The following LAMA3 variants were observed in gnomAD, a reference collection of about 807,000 sequenced individuals.
LAMA3 encodes laminin subunit alpha 3.
Under a neutral mutation model 402.0 loss-of-function variants are expected in LAMA3, and 281 were observed. That is an observed-to-expected ratio of 0.70 (90% CI 0.63 to 0.77). The LOEUF is 0.77. Among genes scored for constraint, LAMA3 ranks in the 30% least tolerant of loss-of-function variants. The pLI is 0.00. For missense variants in LAMA3, 3,840 were observed against 4,215.5 expected (o/e 0.91, Z 2.47); for synonymous variants, 1,431 against 1,558.4 (o/e 0.92, Z 1.93).
At chr18:23,806,019 A>G (rs2062955483) in intron 12 of LAMA3, among the ~76,000 whole-genome samples, 2 of 152,174 alleles carry the variant, frequency 1.3e-5, no homozygotes, top group East Asian at 3.8e-4. Context: ...CACTTCTACA[A>G]AGCAAGTCAG....
intron 7 of LAMA3, among the ~76,000 whole-genome samples, chr18:23,762,197 A>G (rs926853921): frequency 4.6e-5 from 7 of 152,064 alleles, no homozygotes; most frequent in African/African-American, 1.7e-4. Flanking sequence ...TCTGGGTGAC[A>G]GTGAGATCCT....
chr18:23,744,114 G>T (rs1406407195), intron 2 of LAMA3, among the ~76,000 whole-genome samples: 4 of 152,128 alleles, frequency 2.6e-5, no homozygotes, highest in Admixed American at 1.3e-4. Context: ...GCCTGAACCT[G>T]GCTGTGAACA....
intron 64 of LAMA3, among the ~76,000 whole-genome samples, chr18:23,930,531 T>C (rs2082131602): frequency 6.6e-6 from 1 of 152,134 alleles, no homozygotes; most frequent in Non-Finnish European, 1.5e-5. Context: ...GAGTATCTCT[T>C]GAGCCCAGGG....
Position 23,907,566 on chromosome 18 carries a change from C to T in LAMA3, c.6735C>T (p.Leu2245=). The change falls in exon 53 of 75, where the codon CTC becomes CTT. Residue 2245 remains leucine, a synonymous_variant. Transcript: ENST00000313654. ...TTATTTTAGAAGTCAGTCCAGCTCTCAACAACCTACAGCAAACCCTGAATA... is the reference window on the plus strand; with the variant it reads ...TTATTTTAGAAGTCAGTCCAGCTCTTAACAACCTACAGCAAACCCTGAATA... The part of the protein sequence containing the change: ...KKLKQEVSPA[L]NNLQQTLNIV... The T allele has an allele frequency of 6.2e-7, 1 of 1,613,232 alleles. No homozygotes were observed. The highest frequency in any genetic ancestry group is 8.5e-7 in the Non-Finnish European group (1 of 1,179,192).
In LAMA3 at chr18:23,943,852, A is replaced by G. The variant is rs781078680; in HGVS notation, c.9091A>G (p.Lys3031Glu). The G allele has an allele frequency of 3.1e-6, 5 of 1,613,900 alleles. No individual in the cohort carries two copies. In the African/African-American group the frequency reaches 6.7e-5, roughly 22 times the overall value. Residue 3031 changes from lysine (K) to glutamate (E), a missense_variant, in exon 69 of 75, where the codon AAG (lysine) becomes GAG (glutamate). Transcript: ENST00000313654. ...SRGLVFHTGT[K>E]NSFMALYLSK... Reference sequence around the variant, plus strand: ...AGGACTGGTGTTTCACACGGGCACTAAGAACTCCTTTATGGCTCTTTATCT... The same window carrying G: ...AGGACTGGTGTTTCACACGGGCACTGAGAACTCCTTTATGGCTCTTTATCT...
At chr18:23,796,183 C>T in intron 12 of LAMA3, 3 of 314,798 alleles carry the variant, frequency 9.5e-6, no homozygotes, top group Non-Finnish European at 1.9e-5. Flanking sequence ...TATGGCAGCT[C>T]AAGGTGACTA....
intron 40 of LAMA3, among the ~76,000 whole-genome samples, chr18:23,883,428 A>T (rs552476639): frequency 3.9e-5 from 6 of 152,338 alleles, no homozygotes; most frequent in African/African-American, 1.2e-4. Flanking sequence ...TAAGTGAAGC[A>T]AGAGTTGTTC....
At chr18:23,789,045 T>C (rs1018268838) in intron 12 of LAMA3, among the ~76,000 whole-genome samples, 7 of 152,056 alleles carry the variant, frequency 4.6e-5, no homozygotes, top group Non-Finnish European at 8.8e-5. Flanking sequence ...GACATTATCT[T>C]CCAAGAAGAT....
chr18:23,912,488 A>T (rs1209536753), intron 55 of LAMA3, among the ~76,000 whole-genome samples: 1 of 152,158 alleles, frequency 6.6e-6, no homozygotes, highest in Non-Finnish European at 1.5e-5. Context: ...CTAATAAGAA[A>T]CACAAATGCC....
At chr18:23,706,433 T>C (rs2060890277) in intron 1 of LAMA3, among the ~76,000 whole-genome samples, 1 of 152,208 alleles carries the variant, frequency 6.6e-6, no homozygotes, top group Admixed American at 6.5e-5. Flanking sequence ...CAATTTATAC[T>C]CCTACTATGT....
intron 41 of LAMA3, 45 bp from the exon 42 acceptor site, chr18:23,889,966 G>A (rs374564304): frequency 1.3e-5 from 18 of 1,425,102 alleles, no homozygotes; most frequent in South Asian, 1.1e-4. Context: ...TGAGATAAAC[G>A]ATGAGTTATT....
intron 21 of LAMA3, among the ~76,000 whole-genome samples, chr18:23,826,404 A>G (rs1407193852): frequency 6.6e-6 from 1 of 152,236 alleles, no homozygotes; most frequent in Non-Finnish European, 1.5e-5. Flanking sequence ...ACAATTTATT[A>G]TCTTTGTTAA....
chr18:23,770,733 C>A (rs937031583), intron 8 of LAMA3, among the ~76,000 whole-genome samples: 2 of 152,128 alleles, frequency 1.3e-5, no homozygotes, highest in Non-Finnish European at 2.9e-5. Context: ...TGCACTCCAG[C>A]CTGGGCGACA....
At position 23,858,849 on chromosome 18, in the gene LAMA3, G is replaced by A. The variant is rs759956499; in HGVS notation, c.4422+20G>A. The A allele has an allele frequency of 6.2e-7, 1 of 1,612,674 alleles. No individual in the cohort carries two copies. The highest frequency in any genetic ancestry group is 1.1e-5 in the South Asian group (1 of 91,068). On this transcript the variant is annotated intron_variant, in intron 34 of 74. Transcript: ENST00000313654. ...ACTAAGGTATGCATTGACAGAAAGTGCTGGGGAACATTTTGTACATGGATT... is the reference window on the plus strand; with the variant it reads ...ACTAAGGTATGCATTGACAGAAAGTACTGGGGAACATTTTGTACATGGATT...
Position 23,842,391 on chromosome 18 carries a change from T to C in LAMA3, c.3337-4T>C, listed in dbSNP as rs575564054. Reference sequence around the variant, plus strand: ...TTTTTTTTCCTCCTCTTTTTTCCTCTTAGAATCAAGTGACCCTGAGAGGAC... The same window carrying C: ...TTTTTTTTCCTCCTCTTTTTTCCTCCTAGAATCAAGTGACCCTGAGAGGAC... On this transcript the variant is annotated splice_polypyrimidine_tract_variant and splice_region_variant and intron_variant, in intron 27 of 74. Coordinates refer to ENST00000313654, the MANE Select transcript of LAMA3 (RefSeq NM_198129.4). 1.5e-5 allele frequency: 25 copies of C among 1,614,204 alleles called. No homozygotes were observed. Among genetic ancestry groups the C allele is most frequent in the Non-Finnish European group, 1.9e-5 (22 of 1,180,038 alleles).
intron 2 of LAMA3, among the ~76,000 whole-genome samples, chr18:23,734,058 C>G (rs1259304191): frequency 6.6e-6 from 1 of 152,218 alleles, no homozygotes; most frequent in African/African-American, 2.4e-5. Flanking sequence ...CACGGTGATC[C>G]TCCATGGCCA....
At chr18:23,837,168 G>C (rs2063600202) in intron 25 of LAMA3, 79 bp downstream of exon 25, 1 of 986,816 alleles carries the variant, frequency 1.0e-6, no homozygotes, top group African/African-American at 1.6e-5. Context: ...TAAAATTTTG[G>C]CTGGGGTTGT....
chr18:23,826,832 T>G (rs988972691), intron 22 of LAMA3, 33 bp downstream of exon 22: 38 of 1,342,790 alleles, frequency 2.8e-5, no homozygotes, highest in Non-Finnish European at 3.6e-5. Context: ...AGCCGCATCA[T>G]TGGGGTCCTC....
intron 3 of LAMA3, 94 bp downstream of exon 3, chr18:23,748,154 T>G: frequency 9.1e-6 from 8 of 882,284 alleles, no homozygotes; most frequent in Non-Finnish European, 1.5e-5. Context: ...CTTGGCTGGG[T>G]GTGGTGGCTC....
Sources: allele counts gnomAD v4.1 joint callset (sites outside exome capture counted in the v4.1 genomes callset), GRCh38; gene constraint gnomAD v4.1.1; transcripts MANE v1.5; gene names NCBI Gene and HGNC (gene_info 2026-07-23, HGNC 2026-07-21).